The following CNTN5 variants were observed in gnomAD, a reference collection of about 807,000 sequenced individuals.
CNTN5 encodes the protein contactin 5.
A neutral mutation model predicts 129.1 loss-of-function variants in CNTN5; 77 were observed. That is an observed-to-expected ratio of 0.60 (90% CI 0.50 to 0.72). The LOEUF is 0.72. Among genes scored for constraint, CNTN5 ranks in the 30% least tolerant of loss-of-function variants. CNTN5 has a pLI of 0.00. For missense variants in CNTN5, 1,478 were observed against 1,328.8 expected, an observed-to-expected ratio of 1.11 and a Z score of -1.75; for synonymous variants, 509 against 465.6, an observed-to-expected ratio of 1.09 and a Z score of -1.20.
intron 8 of CNTN5, among the ~76,000 whole-genome samples, chr11:99,988,838 GGTGTGTGTGTGTTTGTGTGTGTGTGTGT>G (rs1408678701): frequency 9.2e-6 from 1 of 108,444 alleles, no homozygotes. Flanking sequence ...TTCCAGATGG[GGTGTGTGTGTGTTTGTGTGTGTGTGTGT>G]GTGTGTGTGT....
In CNTN5 at chr11:99,044,001, C is replaced by A. The variant is rs554324755; in HGVS notation, c.-210+22731C>A. 4.6e-5 allele frequency among the ~76,000 whole-genome samples: 7 copies of A among 152,206 alleles called. 1 individual carries two copies. In the South Asian group the frequency reaches 1.5e-3, roughly 32 times the overall value. ...ATTCAGTCAACAAAATGAACTAAAT[C>A]CCCATTATGTTCTATGGTCTCTCTT... On this transcript the variant is annotated intron_variant, in intron 1 of 24. Transcript: ENST00000524871.
chr11:99,858,343 CTTAT>C, intron 6 of CNTN5, among the ~76,000 whole-genome samples: 1 of 151,994 alleles, frequency 6.6e-6, no homozygotes, highest in East Asian at 1.9e-4. Context: ...CCATTACAGA[CTTAT>C]TTAAATTATA....
At chr11:99,221,147 T>A (rs1413955063) in intron 1 of CNTN5, among the ~76,000 whole-genome samples, 1 of 151,930 alleles carries the variant, frequency 6.6e-6, no homozygotes, top group Non-Finnish European at 1.5e-5. Context: ...TTAAACTCCC[T>A]GTCACTGTAA....
chr11:100,304,761 A>G (rs1248208371), intron 20 of CNTN5, among the ~76,000 whole-genome samples: 1 of 151,180 alleles, frequency 6.6e-6, no homozygotes, highest in Non-Finnish European at 1.5e-5. Context: ...TCCTCCCTCC[A>G]CATTTAAGCA....
chr11:99,312,633 T>A (rs1214917525), intron 1 of CNTN5, among the ~76,000 whole-genome samples: 1 of 152,140 alleles, frequency 6.6e-6, no homozygotes, highest in East Asian at 1.9e-4. Context: ...TTATGTAGCC[T>A]TTCTATATCT....
rs1950401436 is a variant in CNTN5, at chr11:100,271,175, G to A, written c.2248G>A (p.Ala750Thr). The A allele has an allele frequency of 1.2e-6, 2 of 1,613,214 alleles. No individual in the cohort carries two copies. The highest frequency in any genetic ancestry group is 1.7e-6 in the Non-Finnish European group (2 of 1,179,618). Residue 750 changes from alanine (A) to threonine (T), a missense_variant, in exon 18 of 25, where the codon GCC becomes ACC. By Grantham distance (58) the Ala-to-Thr change is moderately conservative. Coordinates refer to ENST00000524871, the MANE Select transcript of CNTN5 (RefSeq NM_014361.4). The part of the protein sequence containing the change: ...PWVEYEFRVV[A>T]TNPIGTGDPS... ...GGTGGAATATGAATTTCGAGTGGTA[G>A]CCACCAACCCTATTGGGACAGGAGA...
At chr11:99,384,168 A>C (rs991862148) in intron 2 of CNTN5, among the ~76,000 whole-genome samples, 3 of 152,262 alleles carry the variant, frequency 2.0e-5, no homozygotes, top group Admixed American at 2.0e-4. Context: ...AAAGCTATAA[A>C]GTGCTAGATT....
At chr11:99,254,797 ATTTTTCTCATG>A (rs1862293838) in intron 1 of CNTN5, among the ~76,000 whole-genome samples, 1 of 151,980 alleles carries the variant, frequency 6.6e-6, no homozygotes, top group Non-Finnish European at 1.5e-5. Flanking sequence ...GACATCATAA[ATTTTTCTCATG>A]TTACCCCAAT....
intron 6 of CNTN5, among the ~76,000 whole-genome samples, chr11:99,888,589 T>A (rs929576726): frequency 1.3e-5 from 2 of 152,186 alleles, no homozygotes; most frequent in African/African-American, 2.4e-5. Flanking sequence ...ACAGGCTTAT[T>A]TTTATTTCTA....
Position 100,126,753 on chromosome 11 carries a change from T to C in CNTN5, c.1580+52459T>C, listed in dbSNP as rs190280431. ...TATACAACTTGCCATTGTAAGTCTT[T>C]TAAGTGGGTTGTTTAGATCGTTTAC... On this transcript the variant is annotated intron_variant, in intron 13 of 24. Transcript: ENST00000524871. Among the ~76,000 whole-genome samples, 393 of 152,196 alleles carry C rather than the reference T, an allele frequency of 2.6e-3. 3 individuals are homozygous for C. Among genetic ancestry groups the C allele is most frequent in the Non-Finnish European group, 9.9e-4 (67 of 67,996 alleles).
chr11:99,586,572 A>C (rs192111663), intron 3 of CNTN5, among the ~76,000 whole-genome samples: 1 of 152,334 alleles, frequency 6.6e-6, no homozygotes, highest in East Asian at 1.9e-4. Flanking sequence ...ATAAATTAGT[A>C]CAATACCTGA....
chr11:99,876,448 C>A (rs1948634918), intron 6 of CNTN5, among the ~76,000 whole-genome samples: 1 of 152,138 alleles, frequency 6.6e-6, no homozygotes, highest in African/African-American at 2.4e-5. Flanking sequence ...TTGTTCCAGG[C>A]AATGCATGAG....
intron 24 of CNTN5, among the ~76,000 whole-genome samples, chr11:100,354,767 C>T (rs1289758407): frequency 6.6e-6 from 1 of 151,642 alleles, no homozygotes; most frequent in African/African-American, 2.4e-5. Context: ...TGTAGACATA[C>T]ACAACATGAT....
At position 99,294,812 on chromosome 11, in the gene CNTN5, T is replaced by G. The variant is rs144824723; in HGVS notation, c.-209-30534T>G. 3.2e-3 allele frequency among the ~76,000 whole-genome samples: 489 copies of G among 152,316 alleles called. 3 individuals are homozygous for G. The highest frequency in any genetic ancestry group is 0.012 in the African/African-American group (481 of 41,576). On this transcript the variant is annotated intron_variant, in intron 1 of 24. Coordinates refer to ENST00000524871, the MANE Select transcript of CNTN5 (RefSeq NM_014361.4). ...TTTCTCTTGGGCAGTTTTCAGCTAT[T>G]TTTGTGGCTTTAACTGATTGGCAGA...
chr11:99,654,273 T>C (rs1323143407), intron 3 of CNTN5, among the ~76,000 whole-genome samples: 2 of 152,098 alleles, frequency 1.3e-5, no homozygotes, highest in Non-Finnish European at 2.9e-5. Flanking sequence ...CTAAAATATA[T>C]GGTAGGCCAA....
chr11:99,142,749 G>A (rs1409720273), intron 1 of CNTN5, among the ~76,000 whole-genome samples: 1 of 151,952 alleles, frequency 6.6e-6, no homozygotes. Flanking sequence ...CCAAACCTCT[G>A]GCTTCTACAC....
rs937905572 is a variant in CNTN5 at position 100,027,189 on chromosome 11, G to A, written c.980+25053G>A. Among the ~76,000 whole-genome samples, 3 of 152,082 alleles carry A rather than the reference G, an allele frequency of 2.0e-5. No individual in the cohort carries two copies. In the South Asian group the frequency reaches 6.2e-4, roughly 32 times the overall value. ...TTGTTTGTTTTCTTCCTCATTATGAGTTACATTTTCCTGATTCTTTGCATA... is the reference window on the plus strand; with the variant it reads ...TTGTTTGTTTTCTTCCTCATTATGAATTACATTTTCCTGATTCTTTGCATA... On this transcript the variant is annotated intron_variant, in intron 9 of 24. Coordinates refer to ENST00000524871, the MANE Select transcript of CNTN5 (RefSeq NM_014361.4).
At chr11:100,302,687 T>C (rs965301488) in intron 20 of CNTN5, among the ~76,000 whole-genome samples, 1 of 151,442 alleles carries the variant, frequency 6.6e-6, no homozygotes, top group Non-Finnish European at 1.5e-5. Context: ...ACAGAAAAAC[T>C]TACAAGGCAC....
intron 2 of CNTN5, among the ~76,000 whole-genome samples, chr11:99,536,759 G>A (rs1947914673): frequency 6.6e-6 from 1 of 150,512 alleles, no homozygotes; most frequent in South Asian, 2.1e-4. Context: ...TTTTATGGAT[G>A]AGAAAAATGC....
Sources: gnomAD v4.1 joint callset for allele counts (sites outside exome capture counted in the v4.1 genomes callset) on GRCh38, gnomAD v4.1.1 for gene constraint, MANE v1.5 for transcripts, NCBI Gene and HGNC (gene_info 2026-07-23, HGNC 2026-07-21) for gene names.